The following MYO10 variants were observed in gnomAD, a reference collection of about 807,000 sequenced individuals.
The protein encoded by MYO10 is myosin X.
Under a neutral mutation model 257.3 loss-of-function variants are expected in MYO10, and 133 were observed. That is an observed-to-expected ratio of 0.52 (90% CI 0.45 to 0.60). The LOEUF (loss-of-function observed/expected upper bound fraction) is 0.60. Ranked by LOEUF, MYO10 falls within the 20% of genes least tolerant of loss-of-function variation. The pLI, the probability that MYO10 is intolerant of heterozygous loss-of-function variation, is 0.00. For synonymous variants in MYO10, 1,104 were observed against 1,028.6 expected (o/e 1.07, Z -1.40); for missense variants, 2,399 against 2,635.7 (o/e 0.91, Z 1.97).
At chr5:16,672,312 G>T (rs1382086666) in intron 37 of MYO10, among the ~76,000 whole-genome samples, 1 of 84,598 alleles carries the variant, frequency 1.2e-5, no homozygotes, top group Non-Finnish European at 2.5e-5. Flanking sequence ...AAAAAAAGTA[G>T]GTCCATTTTA....
At chr5:16,799,204 C>A (rs1211702538) in intron 3 of MYO10, among the ~76,000 whole-genome samples, 1 of 152,172 alleles carries the variant, frequency 6.6e-6, no homozygotes, top group Non-Finnish European at 1.5e-5. Flanking sequence ...CATAGAGCAT[C>A]CTTTTAAGAT....
chr5:16,735,584 T>C (rs904866126), intron 19 of MYO10, among the ~76,000 whole-genome samples: 2 of 151,276 alleles, frequency 1.3e-5, no homozygotes, highest in Non-Finnish European at 2.9e-5. Context: ...TGCATACTTG[T>C]GGTCCCAGCT....
At chr5:16,706,761 A>AAAAT (rs1042960378) in intron 21 of MYO10, among the ~76,000 whole-genome samples, 6 of 152,222 alleles carry the variant, frequency 3.9e-5, no homozygotes, top group African/African-American at 7.2e-5. Flanking sequence ...GACAGCTCTC[A>AAAAT]AAATAAATAA....
In MYO10 at chr5:16,670,731, A is replaced by G; in HGVS notation, c.5678T>C (p.Phe1893Ser). 1 of 1,614,030 alleles carries G rather than the reference A, an allele frequency of 6.2e-7. No individual in the cohort carries two copies. The highest frequency in any genetic ancestry group is 8.5e-7 in the Non-Finnish European group (1 of 1,179,902). The change falls in exon 39 of 41, where the codon TTC (phenylalanine) becomes TCC (serine). Residue 1893 changes from phenylalanine (F) to serine (S), a missense_variant. Physicochemically the swap from Phe to Ser is radical, Grantham distance 155. Coordinates refer to ENST00000513610, the MANE Select transcript of MYO10 (RefSeq NM_012334.3). ...SFLEGTLRRS[F>S]RTGSVVRQKV... is the part of the protein sequence containing the mutation. Reference sequence around the variant, plus strand: ...CTGCCGGACCACGGATCCTGTCCGGAAGCTCCGCCTCAGGGTCCCCTCTAG... The same window carrying G: ...CTGCCGGACCACGGATCCTGTCCGGGAGCTCCGCCTCAGGGTCCCCTCTAG...
chr5:16,687,767 A>T (rs1737316637), intron 28 of MYO10, among the ~76,000 whole-genome samples: 1 of 152,118 alleles, frequency 6.6e-6, no homozygotes, highest in Non-Finnish European at 1.5e-5. Flanking sequence ...ATAAATTTGC[A>T]CTATCCATTC....
At chr5:16,896,914 C>T (rs985957493) in intron 1 of MYO10, among the ~76,000 whole-genome samples, 5 of 151,792 alleles carry the variant, frequency 3.3e-5, no homozygotes, top group African/African-American at 1.2e-4. Flanking sequence ...AACAATCTTG[C>T]ATTAGCTCCG....
At chr5:16,753,466 CTTTTTTT>C (rs143614063) in intron 19 of MYO10, among the ~76,000 whole-genome samples, 1 of 83,164 alleles carries the variant, frequency 1.2e-5, no homozygotes, top group Non-Finnish European at 2.3e-5. Flanking sequence ...CGTGCCCGGC[CTTTTTTT>C]TTTTTTTTTT....
intron 12 of MYO10, 104 bp from the exon 13 acceptor site, chr5:16,763,859 C>CAGACAACAGGCAT: frequency 1.3e-6 from 1 of 780,706 alleles, no homozygotes; most frequent in African/African-American, 1.8e-5. Flanking sequence ...ATATCAATGC[C>CAGACAACAGGCAT]TGTTGTCTGG....
chr5:16,870,762 T>C (rs183660361), intron 2 of MYO10, among the ~76,000 whole-genome samples: 2 of 151,960 alleles, frequency 1.3e-5, no homozygotes, highest in Admixed American at 6.6e-5. Flanking sequence ...CATGGTGGCA[T>C]GCGCCTGTAA....
chr5:16,851,707 A>T (rs927099590), intron 2 of MYO10, among the ~76,000 whole-genome samples: 13 of 152,134 alleles, frequency 8.5e-5, no homozygotes, highest in Non-Finnish European at 5.9e-5. Flanking sequence ...GCAAACTTAA[A>T]ATGATGTCAA....
intron 3 of MYO10, among the ~76,000 whole-genome samples, chr5:16,798,082 T>C (rs1367978931): frequency 6.6e-6 from 1 of 152,182 alleles, no homozygotes; most frequent in African/African-American, 2.4e-5. Flanking sequence ...ACACTCAAGC[T>C]TTCTCATCAT....
intron 19 of MYO10, among the ~76,000 whole-genome samples, chr5:16,742,860 C>T (rs1413959184): frequency 6.6e-6 from 1 of 151,740 alleles, no homozygotes; most frequent in Non-Finnish European, 1.5e-5. Context: ...ATGGCTCACG[C>T]CTGTAATCCC....
At chr5:16,742,997 G>A (rs1348131813) in intron 19 of MYO10, among the ~76,000 whole-genome samples, 1 of 152,076 alleles carries the variant, frequency 6.6e-6, no homozygotes, top group African/African-American at 2.4e-5. Flanking sequence ...GTGCATGCCT[G>A]TAATTCCAGC....
At chr5:16,732,845 T>C (rs1056872404) in intron 19 of MYO10, among the ~76,000 whole-genome samples, 1 of 152,098 alleles carries the variant, frequency 6.6e-6, no homozygotes, top group African/African-American at 2.4e-5. Context: ...ATTAACGGTA[T>C]TGTAAGAGCT....
chr5:16,918,748 G>A (rs1258606251), intron 1 of MYO10, among the ~76,000 whole-genome samples: 3 of 152,030 alleles, frequency 2.0e-5, no homozygotes, highest in African/African-American at 7.2e-5. Context: ...TGATCCGCCT[G>A]CCTCAGCCTC....
chr5:16,811,708 G>A (rs530910211), intron 3 of MYO10, among the ~76,000 whole-genome samples: 2 of 152,200 alleles, frequency 1.3e-5, no homozygotes, highest in East Asian at 3.9e-4. Context: ...CGCCACCACG[G>A]CTGGCTAATT....
intron 3 of MYO10, among the ~76,000 whole-genome samples, chr5:16,802,767 C>G (rs1192163515): frequency 6.7e-6 from 1 of 150,358 alleles, no homozygotes; most frequent in Non-Finnish European, 1.5e-5. Context: ...AGATTAAAAA[C>G]AAGCACAGAC....
intron 2 of MYO10, among the ~76,000 whole-genome samples, chr5:16,823,962 C>A (rs948927976): frequency 6.6e-6 from 1 of 151,994 alleles, no homozygotes; most frequent in South Asian, 2.1e-4. Flanking sequence ...ACAAGAAATC[C>A]ACTTGGATAA....
chr5:16,877,822 T>C (rs1744650318), intron 1 of MYO10, 115 bp from the exon 2 acceptor site: 1 of 760,846 alleles, frequency 1.3e-6, no homozygotes, highest in East Asian at 2.7e-5. Flanking sequence ...TCTTGAAAAG[T>C]AAATGTCTTT....
Sources: gnomAD v4.1 joint callset for allele counts (sites outside exome capture counted in the v4.1 genomes callset) on GRCh38, gnomAD v4.1.1 for gene constraint, MANE v1.5 for transcripts, NCBI Gene and HGNC (gene_info 2026-07-23, HGNC 2026-07-21) for gene names.